Variants in NBAS observed in about 807,000 individuals in gnomAD.
NBAS encodes NBAS subunit of NRZ tethering complex.
A neutral mutation model predicts 302.5 loss-of-function variants in NBAS; 219 were observed. The observed-to-expected ratio is 0.72, with a 90% CI of 0.65 to 0.81. The LOEUF is 0.81. NBAS is among the 30% of genes least tolerant of loss of function. The pLI is 0.00. For synonymous variants in NBAS, 1,118 were observed against 1,021.6 expected (o/e 1.09, Z -1.80); for missense variants, 2,932 against 2,841.6 (o/e 1.03, Z -0.72).
intron 48 of NBAS, among the ~76,000 whole-genome samples, chr2:15,198,957 TC>T (rs1189400986): frequency 6.6e-6 from 1 of 151,774 alleles, no homozygotes; most frequent in African/African-American, 2.4e-5. Flanking sequence ...AAACCCCGTC[TC>T]TACTAAAAAC....
intron 35 of NBAS, among the ~76,000 whole-genome samples, chr2:15,340,431 T>C (rs1191859596): frequency 6.6e-6 from 1 of 152,112 alleles, no homozygotes; most frequent in African/African-American, 2.4e-5. Context: ...AGAAGGTCAT[T>C]GTTTGGCAAG....
chr2:14,877,498 A>G, the NBAS span, among the ~76,000 whole-genome samples: 1 of 152,196 alleles, frequency 6.6e-6, no homozygotes, highest in Non-Finnish European at 1.5e-5. Flanking sequence ...AAGTGGAGGT[A>G]TATTCTAAGA....
intron 44 of NBAS, among the ~76,000 whole-genome samples, chr2:15,257,103 G>C (rs1453750627): frequency 6.6e-6 from 1 of 152,056 alleles, no homozygotes; most frequent in Admixed American, 6.5e-5. Context: ...TCTATCTTTT[G>C]GAATAGTTTC....
chr2:15,145,536 G>A, the NBAS span, among the ~76,000 whole-genome samples: 1 of 151,998 alleles, frequency 6.6e-6, no homozygotes, highest in African/African-American at 2.4e-5. Flanking sequence ...TGGTCACTGT[G>A]AGACTCAGAC....
the NBAS span, among the ~76,000 whole-genome samples, chr2:14,961,982 C>T: frequency 2.0e-5 from 3 of 152,112 alleles, no homozygotes; most frequent in East Asian, 5.8e-4. Flanking sequence ...GGGTGTCAGC[C>T]AGGCTGGTCT....
In NBAS at chr2:15,550,462, T is replaced by TA. The variant is rs1664322986; in HGVS notation, c.379+1030dup. Among the ~76,000 whole-genome samples, 3 of 152,172 alleles carry TA rather than the reference T, an allele frequency of 2.0e-5. No homozygotes were observed. In the South Asian group the frequency reaches 6.2e-4, roughly 32 times the overall value. ...CCATTATTATACTTCCTACAACAAT[T>TA]ACACTGTTAAACTAACACAAGATCA... is the stretch of plus-strand genomic sequence containing the variant. On this transcript the variant is annotated intron_variant, in intron 6 of 51. Coordinates refer to ENST00000281513, the MANE Select transcript of NBAS (RefSeq NM_015909.4).
chr2:15,274,405 C>T (rs898612185), intron 44 of NBAS, among the ~76,000 whole-genome samples: 5 of 152,040 alleles, frequency 3.3e-5, no homozygotes, highest in South Asian at 2.1e-4. Flanking sequence ...GTGACTTGCA[C>T]GGAAGGAGAA....
chr2:14,914,696 A>G, the NBAS span, among the ~76,000 whole-genome samples: 11 of 152,328 alleles, frequency 7.2e-5, no homozygotes, highest in Admixed American at 6.5e-4. Flanking sequence ...AGACACAGAC[A>G]GTGAATGTGA....
At chr2:15,045,345 T>C in the NBAS span, among the ~76,000 whole-genome samples, 10 of 152,232 alleles carry the variant, frequency 6.6e-5, no homozygotes, top group African/African-American at 2.2e-4. Flanking sequence ...AGCCATTCTT[T>C]GCACATGTTT....
chr2:14,804,415 T>C, the NBAS span, among the ~76,000 whole-genome samples: 1 of 152,206 alleles, frequency 6.6e-6, no homozygotes, highest in African/African-American at 2.4e-5. Flanking sequence ...ATAAGTTTCC[T>C]TTAGGCATGA....
At position 15,427,757 on chromosome 2, in the gene NBAS, C is replaced by T. The variant is rs1323877249; in HGVS notation, c.2377G>A (p.Glu793Lys). Residue 793 changes from glutamate to lysine, a missense_variant, in exon 22 of 52, where the codon GAA becomes AAA. By Grantham distance (56) the Glu-to-Lys change is moderately conservative. Transcript: ENST00000281513. ...GDSLMIIPWH[E>K]HKHRAKDWCE... is the part of the protein sequence containing the mutation. ...CAATCTTTAGCTCGGTGTTTATGTT[C>T]ATGCCAAGGAATGATCATCAGGGAG... 6.2e-7 allele frequency: 1 copy of T among 1,613,438 alleles called. No homozygotes were observed. Among genetic ancestry groups the T allele is most frequent in the Non-Finnish European group, 8.5e-7 (1 of 1,179,750 alleles).
At chr2:14,904,664 G>A in the NBAS span, among the ~76,000 whole-genome samples, 1 of 151,976 alleles carries the variant, frequency 6.6e-6, no homozygotes, top group African/African-American at 2.4e-5. Flanking sequence ...ATGATAGGCT[G>A]TGTCACAGTC....
the NBAS span, among the ~76,000 whole-genome samples, chr2:15,091,624 C>T: frequency 1.8e-4 from 28 of 151,978 alleles, no homozygotes; most frequent in African/African-American, 6.5e-4. Flanking sequence ...CCTCCACTTC[C>T]CGGGTTCAAG....
chr2:14,842,740 A>G, the NBAS span, among the ~76,000 whole-genome samples: 1 of 152,026 alleles, frequency 6.6e-6, no homozygotes, highest in African/African-American at 2.4e-5. Flanking sequence ...ACATTTAAAG[A>G]ACTAAGAATA....
At chr2:15,428,222 A>G (rs1677576326) in intron 21 of NBAS, among the ~76,000 whole-genome samples, 1 of 152,340 alleles carries the variant, frequency 6.6e-6, no homozygotes, top group Non-Finnish European at 1.5e-5. Context: ...TACAGTAACC[A>G]CCAGCTATGT....
At chr2:15,270,428 G>T (rs982721421) in intron 44 of NBAS, among the ~76,000 whole-genome samples, 5 of 152,126 alleles carry the variant, frequency 3.3e-5, no homozygotes, top group African/African-American at 1.2e-4. Flanking sequence ...CTCCCAAAGT[G>T]CTGGGATTAC....
At chr2:14,961,426 A>AT in the NBAS span, among the ~76,000 whole-genome samples, 1,499 of 148,186 alleles carry the variant, frequency 0.01, 12 homozygotes, top group Non-Finnish European at 0.012. Context: ...ACAAGAGCTG[A>AT]TTTTTTTTTT....
the NBAS span, among the ~76,000 whole-genome samples, chr2:14,958,386 C>G: frequency 6.6e-6 from 1 of 152,180 alleles, no homozygotes; most frequent in Non-Finnish European, 1.5e-5. Flanking sequence ...ACAACTCAAT[C>G]AGCAGAACTC....
chr2:14,975,245 C>G, the NBAS span, among the ~76,000 whole-genome samples: 2 of 152,202 alleles, frequency 1.3e-5, no homozygotes. Context: ...CTGACCCACA[C>G]AACTGTAAGA....
Sources: allele counts gnomAD v4.1 joint callset (sites outside exome capture counted in the v4.1 genomes callset), GRCh38; gene constraint gnomAD v4.1.1; transcripts MANE v1.5; gene names NCBI Gene and HGNC (gene_info 2026-07-23, HGNC 2026-07-21).